HCN1: variants seen among roughly 807,000 people sequenced by gnomAD.
HCN1 encodes hyperpolarization activated cyclic nucleotide gated potassium channel 1.
Under a neutral mutation model 78.9 loss-of-function variants are expected in HCN1, and 13 were observed. That is an observed-to-expected ratio of 0.16 (90% CI 0.11 to 0.26). The LOEUF is 0.26. HCN1 is among the 10% of genes least tolerant of loss of function. HCN1 has a pLI of 1.00. For synonymous variants in HCN1, 552 were observed against 455.5 expected (o/e 1.21, Z -2.70); for missense variants, 810 against 1,154.3 (o/e 0.70, Z 4.32).
At chr5:45,598,369 A>G (rs533751876) in intron 2 of HCN1, among the ~76,000 whole-genome samples, 2 of 152,326 alleles carry the variant, frequency 1.3e-5, no homozygotes, top group South Asian at 4.1e-4. Context: ...CCATATGTAG[A>G]AAGCTGAAAC....
rs765993252 is a variant in HCN1, at chr5:45,262,851, A to C, written c.1784-41T>G. 10 of 1,607,424 alleles carry C rather than the reference A, an allele frequency of 6.2e-6. No homozygotes were observed. In the East Asian group the frequency reaches 2.2e-4, roughly 36 times the overall value. On this transcript the variant is annotated intron_variant, in intron 7 of 7. Transcript: ENST00000303230. ...AGATAGGCACTTAGAAAGCCTACCA[A>C]TGACTGATGACAACGCCAAGTGAGA...
chr5:45,493,355 A>C (rs1741937422), intron 2 of HCN1, among the ~76,000 whole-genome samples: 1 of 152,000 alleles, frequency 6.6e-6, no homozygotes, highest in African/African-American at 2.4e-5. Context: ...TCTAACAAAA[A>C]ATAAATCGAG....
chr5:45,497,595 T>C (rs937452307), intron 2 of HCN1, among the ~76,000 whole-genome samples: 1 of 152,188 alleles, frequency 6.6e-6, no homozygotes, highest in Admixed American at 6.5e-5. Context: ...CCTATGTGTG[T>C]CTCTGCACGT....
intron 5 of HCN1, among the ~76,000 whole-genome samples, chr5:45,304,222 T>A (rs1361039323): frequency 1.3e-5 from 2 of 152,066 alleles, no homozygotes; most frequent in African/African-American, 4.8e-5. Flanking sequence ...CCATATCACT[T>A]CCTATTAGCT....
rs760303020 is a variant in HCN1, at chr5:45,262,197, A to C, written c.2397T>G (p.Thr799=). 1 of 1,614,024 alleles carries C rather than the reference A, an allele frequency of 6.2e-7. No individual in the cohort carries two copies. Among genetic ancestry groups the C allele is most frequent in the South Asian group, 1.1e-5 (1 of 91,086 alleles). Residue 799 remains threonine, a synonymous_variant, in exon 8 of 8, where the codon ACT becomes ACG. Transcript: ENST00000303230. Reference sequence around the variant, plus strand: ...CAGTGGGATGAGGTCTGGAAATCAGAGTGGACACCTCATGGGGCAGCGAGG... The same window carrying C: ...CAGTGGGATGAGGTCTGGAAATCAGCGTGGACACCTCATGGGGCAGCGAGG... The part of the protein sequence containing the change: ...SQPSLPHEVS[T]LISRPHPTVG...
At position 45,259,747 on chromosome 5, in the gene HCN1, A is replaced by T. The variant is rs966579860; in HGVS notation, c.*2174T>A. 2.6e-5 allele frequency: 4 copies of T among 152,422 alleles called. No homozygotes were observed. Among genetic ancestry groups the T allele is most frequent in the African/African-American group, 4.8e-5 (2 of 41,432 alleles). The allele number at this position is 152,422 out of a possible 1,614,324, so 9.4% of individuals were successfully genotyped here. On this transcript the variant is annotated 3_prime_UTR_variant, in exon 8 of 8. Transcript: ENST00000303230. ...AAAAAACCAAAAATTTATATATATA[A>T]AAATATTTCACTACCAAATCCATTA...
intron 2 of HCN1, among the ~76,000 whole-genome samples, chr5:45,622,083 G>C (rs527985800): frequency 2.6e-5 from 4 of 152,100 alleles, no homozygotes; most frequent in East Asian, 3.9e-4. Context: ...TTAGCCAGAC[G>C]TGGTGGCGGG....
chr5:45,466,578 C>T (rs1282581489), intron 2 of HCN1, among the ~76,000 whole-genome samples: 3 of 151,960 alleles, frequency 2.0e-5, no homozygotes, highest in Non-Finnish European at 2.9e-5. Flanking sequence ...GGCACCTGCA[C>T]GATTTGTTAT....
At chr5:45,682,457 G>GT (rs1451943494) in intron 1 of HCN1, among the ~76,000 whole-genome samples, 1 of 151,482 alleles carries the variant, frequency 6.6e-6, no homozygotes, top group Non-Finnish European at 1.5e-5. Context: ...CTAAATTATT[G>GT]TTTTTTATAG....
chr5:45,624,002 A>G (rs1745117993), intron 2 of HCN1, among the ~76,000 whole-genome samples: 2 of 152,192 alleles, frequency 1.3e-5, no homozygotes. Context: ...AAAAACCATG[A>G]GTCAAGGGCA....
chr5:45,556,469 C>T (rs1254974595), intron 2 of HCN1, among the ~76,000 whole-genome samples: 2 of 151,958 alleles, frequency 1.3e-5, no homozygotes, highest in Non-Finnish European at 1.5e-5. Context: ...AGTCATATTT[C>T]ACCATGACTA....
intron 2 of HCN1, among the ~76,000 whole-genome samples, chr5:45,468,659 T>C (rs1432674356): frequency 1.3e-5 from 2 of 152,054 alleles, no homozygotes; most frequent in Non-Finnish European, 2.9e-5. Flanking sequence ...TGGAAACTTG[T>C]TATTTAGCTT....
At chr5:45,690,026 T>G (rs1020848441) in intron 1 of HCN1, among the ~76,000 whole-genome samples, 2 of 152,076 alleles carry the variant, frequency 1.3e-5, no homozygotes, top group Admixed American at 1.3e-4. Flanking sequence ...TAGGCAGTCA[T>G]TCCATTCCCT....
intron 1 of HCN1, among the ~76,000 whole-genome samples, chr5:45,692,216 T>A (rs1304216045): frequency 6.6e-6 from 1 of 152,228 alleles, no homozygotes; most frequent in Non-Finnish European, 1.5e-5. Flanking sequence ...CCTATTTAAA[T>A]GATTATATCA....
intron 2 of HCN1, among the ~76,000 whole-genome samples, chr5:45,547,795 C>T (rs1450031622): frequency 6.6e-6 from 1 of 151,756 alleles, no homozygotes; most frequent in Non-Finnish European, 1.5e-5. Context: ...ATATAAAATG[C>T]TATAATGGAT....
intron 6 of HCN1, among the ~76,000 whole-genome samples, chr5:45,269,676 A>G (rs1744924497): frequency 6.6e-6 from 1 of 152,120 alleles, no homozygotes; most frequent in East Asian, 1.9e-4. Flanking sequence ...CTCTCATTCA[A>G]TTGCTTTATG....
chr5:45,559,840 G>GA (rs904190472), intron 2 of HCN1: 1 of 152,016 alleles, frequency 6.6e-6, no homozygotes, highest in Non-Finnish European at 1.5e-5. Flanking sequence ...AATATTTTAT[G>GA]AAAAAAAGTC....
chr5:45,474,820 TG>T (rs1741479629), intron 2 of HCN1, among the ~76,000 whole-genome samples: 2 of 151,950 alleles, frequency 1.3e-5, no homozygotes, highest in South Asian at 4.1e-4. Context: ...CTTAATGTCT[TG>T]GTATCTCAAG....
At chr5:45,289,454 C>T (rs1386354482) in intron 6 of HCN1, among the ~76,000 whole-genome samples, 1 of 152,042 alleles carries the variant, frequency 6.6e-6, no homozygotes, top group East Asian at 1.9e-4. Context: ...TCCACAGATA[C>T]AATGGAGCAT....
Sources: gnomAD v4.1 joint callset for allele counts (sites outside exome capture counted in the v4.1 genomes callset) on GRCh38, gnomAD v4.1.1 for gene constraint, MANE v1.5 for transcripts, NCBI Gene and HGNC (gene_info 2026-07-23, HGNC 2026-07-21) for gene names.